The following RPS6KA6 variants were observed in gnomAD, a reference collection of about 807,000 sequenced individuals.
RPS6KA6 encodes ribosomal protein S6 kinase A6.
RPS6KA6 carries 27 observed loss-of-function variants against 65.4 expected under a neutral mutation model. The ratio of observed to expected loss-of-function variants is 0.41; its 90% confidence interval spans 0.30 to 0.57. The LOEUF (loss-of-function observed/expected upper bound fraction) is 0.57, where lower values mean the gene tolerates loss of function less well. RPS6KA6 is among the 20% of genes least tolerant of loss of function. RPS6KA6 has a pLI of 0.24. For synonymous variants in RPS6KA6, 190 were observed against 184.2 expected (o/e 1.03, Z -0.26); for missense variants, 486 against 555.6 (o/e 0.87, Z 1.26).
At chrX:84,133,550 A>G (rs2034940051) in intron 8 of RPS6KA6, among the ~76,000 whole-genome samples, 1 of 111,256 alleles carries the variant, frequency 9.0e-6, no homozygotes, top group African/African-American at 3.3e-5. Flanking sequence ...AACACTAAAT[A>G]CAAATAAACT....
chrX:84,092,873 C>G (rs768571016), intron 20 of RPS6KA6, among the ~76,000 whole-genome samples: 1 of 111,667 alleles, frequency 9.0e-6, no homozygotes, highest in African/African-American at 3.3e-5. Flanking sequence ...GGAGAGCTAT[C>G]TGTATGCTCA....
At chrX:84,128,168 C>T (rs988241032) in intron 8 of RPS6KA6, among the ~76,000 whole-genome samples, 3 of 111,006 alleles carry the variant, frequency 2.7e-5, no homozygotes, top group Non-Finnish European at 5.7e-5. Flanking sequence ...TTCTACAGGC[C>T]GACAGAGAAC....
chrX:84,112,221 T>C (rs2034482925), intron 12 of RPS6KA6, among the ~76,000 whole-genome samples: 1 of 111,120 alleles, frequency 9.0e-6, no homozygotes, highest in Admixed American at 9.6e-5. Context: ...TTGATGGCAA[T>C]ACAATAATAG....
At chrX:84,187,699 G>C (rs1158932441) in intron 1 of RPS6KA6, 120 bp downstream of exon 1, 1 of 658,867 alleles carries the variant, frequency 1.5e-6, no homozygotes, top group East Asian at 4.2e-5. Flanking sequence ...GCAGCATCAA[G>C]GGGGCTTGCC....
Position 84,104,664 on chromosome X carries a change from A to G in RPS6KA6, c.1456-7T>C. On this transcript the variant is annotated splice_region_variant and splice_polypyrimidine_tract_variant and intron_variant, in intron 16 of 21. Transcript: ENST00000262752. ...ATCTACCATCATCAAAGACCTACAAAAGAACGCAGTTTTAAAATGTTATTA... is the reference window on the plus strand; with the variant it reads ...ATCTACCATCATCAAAGACCTACAAGAGAACGCAGTTTTAAAATGTTATTA... The G allele has an allele frequency of 1.9e-6, 2 of 1,065,099 alleles. No homozygotes were observed. The highest frequency in any genetic ancestry group is 2.5e-6 in the Non-Finnish European group (2 of 800,371). The allele number at this position is 1,065,099 out of a possible 1,213,427, so 87.8% of individuals were successfully genotyped here. A position where few individuals can be genotyped will look rare whatever the true frequency, so the allele number is the denominator to read the frequency against.
At chrX:84,144,854 A>T (rs1388620799) in intron 6 of RPS6KA6, among the ~76,000 whole-genome samples, 1 of 111,108 alleles carries the variant, frequency 9.0e-6, no homozygotes, top group African/African-American at 3.3e-5. Context: ...AAAAATGAAT[A>T]AACTATTAGT....
intron 6 of RPS6KA6, among the ~76,000 whole-genome samples, chrX:84,138,304 G>C (rs1373422105): frequency 1.8e-5 from 2 of 111,137 alleles, no homozygotes; most frequent in Non-Finnish European, 3.8e-5. Context: ...TTAAACAAGA[G>C]AATTTGGGGA....
At chrX:84,132,440 ACT>A (rs1418233805) in intron 8 of RPS6KA6, among the ~76,000 whole-genome samples, 1 of 110,197 alleles carries the variant, frequency 9.1e-6, no homozygotes, top group Admixed American at 9.8e-5. Flanking sequence ...ACAGAGTAAG[ACT>A]CTGTCTCTTA....
At chrX:84,133,087 A>G (rs936269973) in intron 8 of RPS6KA6, among the ~76,000 whole-genome samples, 3 of 112,176 alleles carry the variant, frequency 2.7e-5, no homozygotes, top group African/African-American at 6.5e-5. Flanking sequence ...ATTTATGCCT[A>G]GTGTTCCATT....
chrX:84,061,256 T>C lies in RPS6KA6; in HGVS notation c.*3021A>G. On this transcript the variant is annotated 3_prime_UTR_variant, in exon 22 of 22. Transcript: ENST00000262752. ...TCTATCTAGAAAATACTAGTCAATCTGTATGGAAGTTTCTCTGGGCAGTAC... is the reference window on the plus strand; with the variant it reads ...TCTATCTAGAAAATACTAGTCAATCCGTATGGAAGTTTCTCTGGGCAGTAC... The C allele has an allele frequency of 8.9e-6, 1 of 112,302 alleles. No homozygotes were observed. The highest frequency in any genetic ancestry group is 3.2e-5 in the African/African-American group (1 of 30,964). The allele number at this position is 112,302 out of a possible 1,213,427, so 9.3% of individuals were successfully genotyped here.
intron 6 of RPS6KA6, among the ~76,000 whole-genome samples, chrX:84,138,008 C>T (rs1010513277): frequency 9.0e-6 from 1 of 111,467 alleles, no homozygotes; most frequent in Non-Finnish European, 1.9e-5. Flanking sequence ...AAATATTTAG[C>T]TGCATTTTAT....
rs753011876 is a variant in RPS6KA6 at position 84,110,991 on chromosome X, AAT to A, written c.1009-3268_1009-3267del. 6.7e-3 allele frequency among the ~76,000 whole-genome samples: 689 copies of A among 102,388 alleles called. 7 individuals are homozygous for A. Among genetic ancestry groups the A allele is most frequent in the African/African-American group, 0.012 (331 of 28,742 alleles). The allele number at this position is 102,388 out of a possible 115,157, so 88.9% of individuals were successfully genotyped here. On this transcript the variant is annotated intron_variant, in intron 12 of 21. Transcript: ENST00000262752. The stretch of plus-strand genomic sequence containing the variant: ...CAATTCAGGAGATAAAAGATAAATA[AAT>A]ATATATATATATATATATTTAAATT...
chrX:84,108,681 G>A lies in RPS6KA6; in HGVS notation c.1009-956C>T, dbSNP rs781568421. Among the ~76,000 whole-genome samples the A allele has an allele frequency of 1.3e-4, 14 of 111,316 alleles. No individual in the cohort carries two copies. In the South Asian group the frequency reaches 2.7e-3, roughly 21 times the overall value. On this transcript the variant is annotated intron_variant, in intron 12 of 21. Transcript: ENST00000262752. ...CCCCTAGGCCTCCAGTTTAATACAC[G>A]GAGCTGCCTGGAATCTGTGCAGAGG...
At chrX:84,084,623 AG>A (rs759248249) in intron 20 of RPS6KA6, among the ~76,000 whole-genome samples, 71 of 112,323 alleles carry the variant, frequency 6.3e-4, no homozygotes, top group African/African-American at 2.3e-3. Flanking sequence ...CTTGTAGTAT[AG>A]TTTGAAGTCA....
rs138351755 is a variant in RPS6KA6, at chrX:84,094,205, C to T, written c.1971+1989G>A. Among the ~76,000 whole-genome samples the T allele has an allele frequency of 9.0e-3, 962 of 107,183 alleles. 16 individuals are homozygous for T. The highest frequency in any genetic ancestry group is 0.032 in the African/African-American group (928 of 29,198). The allele number at this position is 107,183 out of a possible 115,157, so 93.1% of individuals were successfully genotyped here. On this transcript the variant is annotated intron_variant, in intron 20 of 21. Transcript: ENST00000262752. ...AGAATCACCTAATACTGGTATGAGG[C>T]ATCTCACTTAGCTGTGGAGAAGTCC...
chrX:84,118,734 T>C (rs1293012518), intron 9 of RPS6KA6, among the ~76,000 whole-genome samples: 2 of 111,858 alleles, frequency 1.8e-5, no homozygotes, highest in Non-Finnish European at 3.8e-5. Flanking sequence ...ACTGCTTACT[T>C]TGAAATCTCT....
chrX:84,097,100 ATGTC>A (rs1489757288), intron 19 of RPS6KA6, among the ~76,000 whole-genome samples: 1 of 111,298 alleles, frequency 9.0e-6, no homozygotes, highest in Non-Finnish European at 1.9e-5. Context: ...TTTAAAATAT[ATGTC>A]TAAGTACATT....
intron 8 of RPS6KA6, among the ~76,000 whole-genome samples, chrX:84,120,735 C>A (rs752332810): frequency 9.0e-6 from 1 of 111,603 alleles, no homozygotes; most frequent in East Asian, 2.8e-4. Flanking sequence ...CAATTCTCCC[C>A]AAACTGATAT....
chrX:84,112,661 C>T (rs1219578717), intron 12 of RPS6KA6, among the ~76,000 whole-genome samples: 1 of 111,614 alleles, frequency 9.0e-6, no homozygotes, highest in Non-Finnish European at 1.9e-5. Flanking sequence ...TGAGACACAG[C>T]TAAAGCAGTG....
Sources: allele counts gnomAD v4.1 joint callset (sites outside exome capture counted in the v4.1 genomes callset), GRCh38; gene constraint gnomAD v4.1.1; transcripts MANE v1.5; gene names NCBI Gene and HGNC (gene_info 2026-07-23, HGNC 2026-07-21).